The following HTR2C variants were observed in gnomAD, a reference collection of about 807,000 sequenced individuals.
HTR2C encodes the protein 5-hydroxytryptamine (serotonin) receptor 2C, G protein-coupled.
HTR2C carries 5 observed loss-of-function variants against 21.0 expected under a neutral mutation model. That is an observed-to-expected ratio of 0.24 (90% CI 0.12 to 0.50). The LOEUF (loss-of-function observed/expected upper bound fraction) is 0.50. Among genes scored for constraint, HTR2C ranks in the 20% least tolerant of loss-of-function variants. The pLI is 0.98. For synonymous variants in HTR2C, 150 were observed against 145.3 expected (o/e 1.03, Z -0.23); for missense variants, 271 against 371.2 (o/e 0.73, Z 2.22).
At chrX:114,759,245 A>G (rs782303204) in intron 4 of HTR2C, among the ~76,000 whole-genome samples, 5 of 111,224 alleles carry the variant, frequency 4.5e-5, no homozygotes, top group Admixed American at 1.9e-4. Flanking sequence ...TCCTTGAAAA[A>G]TAAGTGTATC....
rs201266108 is a variant in HTR2C, at chrX:114,887,180, G to T, written c.551-19409G>T. On this transcript the variant is annotated intron_variant, in intron 5 of 5. Coordinates refer to ENST00000276198, the MANE Select transcript of HTR2C (RefSeq NM_000868.4). The stretch of plus-strand genomic sequence containing the variant: ...ATAACAAGAATGATGCCAGTCTGAG[G>T]TTAGACAGGTAGTTGCTGGGTAGAT... 3.6e-5 allele frequency among the ~76,000 whole-genome samples: 4 copies of T among 112,098 alleles called. No individual in the cohort carries two copies. In the South Asian group the frequency reaches 1.1e-3, roughly 31 times the overall value.
intron 4 of HTR2C, among the ~76,000 whole-genome samples, chrX:114,834,365 C>T (rs1307153708): frequency 4.8e-5 from 5 of 103,986 alleles, no homozygotes; most frequent in Non-Finnish European, 5.9e-5. Flanking sequence ...TCAGGACTTG[C>T]TTTATGAATC....
chrX:114,836,412 G>C (rs782114587), intron 4 of HTR2C, among the ~76,000 whole-genome samples: 89 of 112,735 alleles, frequency 7.9e-4, no homozygotes, highest in African/African-American at 2.8e-3. Flanking sequence ...CTGGTGGTGC[G>C]CCGTTTTTTA....
At chrX:114,664,089 C>G (rs1165054573) in intron 2 of HTR2C, among the ~76,000 whole-genome samples, 1 of 111,686 alleles carries the variant, frequency 9.0e-6, no homozygotes, top group African/African-American at 3.3e-5. Context: ...TACTAGGTGT[C>G]TCTTTTTCCA....
At chrX:114,706,878 A>G (rs1379173476) in intron 2 of HTR2C, among the ~76,000 whole-genome samples, 1 of 111,287 alleles carries the variant, frequency 9.0e-6, no homozygotes, top group African/African-American at 3.3e-5. Flanking sequence ...TCAAGAAAAA[A>G]GTAGTAACCA....
chrX:114,776,614 G>A (rs1189099204), intron 4 of HTR2C: 36 of 514,182 alleles, frequency 7.0e-5, no homozygotes, highest in African/African-American at 6.5e-4. Flanking sequence ...GATTCTTTGC[G>A]GCATCACCAA....
chrX:114,730,033 A>T (rs781929330), intron 3 of HTR2C, among the ~76,000 whole-genome samples: 2 of 111,913 alleles, frequency 1.8e-5, no homozygotes, highest in Non-Finnish European at 3.8e-5. Flanking sequence ...ATTACTACAC[A>T]TGGAATAAAC....
intron 2 of HTR2C, among the ~76,000 whole-genome samples, chrX:114,659,233 A>G (rs1930896777): frequency 9.0e-6 from 1 of 111,620 alleles, no homozygotes; most frequent in African/African-American, 3.3e-5. Flanking sequence ...CTCCCACAAC[A>G]CAGGGATTAT....
intron 2 of HTR2C, among the ~76,000 whole-genome samples, chrX:114,630,343 A>C (rs1929561870): frequency 8.9e-6 from 1 of 112,188 alleles, no homozygotes; most frequent in African/African-American, 3.2e-5. Context: ...GATCCCGCAC[A>C]AATGGTAATT....
intron 2 of HTR2C, among the ~76,000 whole-genome samples, chrX:114,635,686 A>G (rs1929815203): frequency 9.0e-6 from 1 of 111,618 alleles, no homozygotes; most frequent in African/African-American, 3.3e-5. Flanking sequence ...TATGTAAATG[A>G]TTTTTCAAGT....
chrX:114,725,601 A>G (rs1452531259), intron 2 of HTR2C, among the ~76,000 whole-genome samples: 44 of 111,778 alleles, frequency 3.9e-4, no homozygotes, highest in Non-Finnish European at 6.8e-4. Context: ...TCTGCATTTT[A>G]GAGTTTCCAG....
At chrX:114,856,960 T>C (rs1457062526) in intron 5 of HTR2C, among the ~76,000 whole-genome samples, 1 of 111,451 alleles carries the variant, frequency 9.0e-6, no homozygotes, top group Non-Finnish European at 1.9e-5. Flanking sequence ...TACTTTTGAC[T>C]TCATGAAACT....
intron 4 of HTR2C, among the ~76,000 whole-genome samples, chrX:114,743,275 T>C (rs1415534030): frequency 9.2e-6 from 1 of 108,284 alleles, no homozygotes; most frequent in Non-Finnish European, 1.9e-5. Flanking sequence ...AAATGGTATT[T>C]CTAGTTCTAG....
At chrX:114,685,692 G>A (rs12690135) in intron 2 of HTR2C, among the ~76,000 whole-genome samples, 14,485 of 111,118 alleles carry the variant, frequency 0.13, 784 homozygotes, top group South Asian at 0.31. Context: ...TTATCATAGA[G>A]TCATAGCAGT....
chrX:114,665,295 T>A (rs183611017), intron 2 of HTR2C, among the ~76,000 whole-genome samples: 3 of 111,956 alleles, frequency 2.7e-5, no homozygotes. Context: ...TCAATTTGAT[T>A]ATTTGGCCTT....
intron 5 of HTR2C, chrX:114,900,392 G>A: frequency 3.8e-6 from 1 of 260,796 alleles, no homozygotes; most frequent in Admixed American, 3.8e-5. Context: ...TGGTGACCTT[G>A]CCAGCTCCAA....
chrX:114,902,852 C>T (rs1313585999), intron 5 of HTR2C, among the ~76,000 whole-genome samples: 1 of 111,681 alleles, frequency 9.0e-6, no homozygotes, highest in Non-Finnish European at 1.9e-5. Flanking sequence ...TTCAGGTGAC[C>T]TGCCCACCTC....
chrX:114,709,076 C>T (rs184971172), intron 2 of HTR2C, among the ~76,000 whole-genome samples: 8 of 111,911 alleles, frequency 7.1e-5, no homozygotes, highest in African/African-American at 2.6e-4. Context: ...TATTAGGGTG[C>T]ACCCATAAAT....
chrX:114,679,525 C>G (rs781896392), intron 2 of HTR2C, among the ~76,000 whole-genome samples: 16 of 110,764 alleles, frequency 1.4e-4, no homozygotes, highest in African/African-American at 4.6e-4. Context: ...GTCATCTGCC[C>G]GTCTCGGCCT....
Sources: gnomAD v4.1 joint callset for allele counts (sites outside exome capture counted in the v4.1 genomes callset) on GRCh38, gnomAD v4.1.1 for gene constraint, MANE v1.5 for transcripts, NCBI Gene and HGNC (gene_info 2026-07-23, HGNC 2026-07-21) for gene names.